Variants in OR2L13 observed in about 807,000 individuals in gnomAD.
OR2L13 encodes the protein olfactory receptor 2L13.
OR2L13 carries 14 observed loss-of-function variants against 15.3 expected under a neutral mutation model. The observed-to-expected ratio is 0.91, with a 90% CI of 0.60 to 1.43. The LOEUF (loss-of-function observed/expected upper bound fraction) is 1.43. OR2L13 is among the 40% of genes most tolerant of loss of function. OR2L13 has a pLI of 0.00. For missense variants in OR2L13, 367 were observed against 387.9 expected, an observed-to-expected ratio of 0.95 and a Z score of 0.45; for synonymous variants, 152 against 142.9, an observed-to-expected ratio of 1.06 and a Z score of -0.45.
At chr1:248,061,880 T>G in the OR2L13 span, 569 of 302,368 alleles carry the variant, frequency 1.9e-3, 2 homozygotes, top group African/African-American at 0.012. Flanking sequence ...AGAATTTTTG[T>G]TTTTGGTCAT....
chr1:248,084,432 G>C, the OR2L13 span: 10,340 of 1,552,658 alleles, frequency 6.7e-3, 110 homozygotes, highest in African/African-American at 0.043. Context: ...GTACATGGGC[G>C]TGTGGAGCCG....
upstream of OR2L13, among the ~76,000 whole-genome samples, chr1:248,094,194 C>G (rs954249015): frequency 6.6e-6 from 1 of 151,674 alleles, no homozygotes; most frequent in Admixed American, 6.6e-5. Context: ...ATATATGCAA[C>G]CATTAGATAA....
chr1:248,076,835 T>G, the OR2L13 span, among the ~76,000 whole-genome samples: 1 of 152,204 alleles, frequency 6.6e-6, no homozygotes, highest in South Asian at 2.1e-4. Flanking sequence ...ACCCTTTATT[T>G]CTTTCTCTTG....
At chr1:248,009,803 C>T in the OR2L13 span, among the ~76,000 whole-genome samples, 1 of 152,070 alleles carries the variant, frequency 6.6e-6, no homozygotes, top group Non-Finnish European at 1.5e-5. Context: ...CAGCATATCA[C>T]AAAACTTATC....
chr1:247,948,044 A>G, the OR2L13 span, among the ~76,000 whole-genome samples: 3 of 152,176 alleles, frequency 2.0e-5, no homozygotes, highest in Admixed American at 6.5e-5. Context: ...GTGACACTTC[A>G]TGTCTACAAA....
chr1:247,959,627 A>G, the OR2L13 span, among the ~76,000 whole-genome samples: 6,281 of 152,028 alleles, frequency 0.041, 436 homozygotes, highest in African/African-American at 0.14. Context: ...TATTTCTTGG[A>G]GGCTTTGTTC....
At chr1:248,024,254 A>G in the OR2L13 span, 1 of 152,262 alleles carries the variant, frequency 6.6e-6, no homozygotes, top group South Asian at 2.1e-4. Flanking sequence ...ATCCCAATGT[A>G]GAAAATTTTA....
At chr1:248,021,789 A>G in the OR2L13 span, 3 of 535,178 alleles carry the variant, frequency 5.6e-6, no homozygotes, top group East Asian at 3.0e-5. Context: ...TATAATACAT[A>G]TTGATGGATA....
the OR2L13 span, among the ~76,000 whole-genome samples, chr1:248,004,573 C>T: frequency 1.3e-5 from 2 of 152,168 alleles, no homozygotes; most frequent in Admixed American, 1.3e-4. Context: ...CACAATTTAG[C>T]AGAGAGCTCG....
chr1:247,973,656 G>C, the OR2L13 span, among the ~76,000 whole-genome samples: 2 of 151,990 alleles, frequency 1.3e-5, no homozygotes, highest in African/African-American at 4.8e-5. Flanking sequence ...ATATTTATGT[G>C]GCCAACAAAC....
At chr1:247,959,967 G>C in the OR2L13 span, among the ~76,000 whole-genome samples, 3 of 152,146 alleles carry the variant, frequency 2.0e-5, no homozygotes, top group Non-Finnish European at 4.4e-5. Flanking sequence ...GTCCAGCTTT[G>C]TTCCATTGCT....
At chr1:248,074,514 A>T in the OR2L13 span, among the ~76,000 whole-genome samples, 2 of 152,190 alleles carry the variant, frequency 1.3e-5, no homozygotes, top group African/African-American at 4.8e-5. Context: ...AATACAAAAT[A>T]AACATACAAA....
At chr1:248,070,066 TG>T in the OR2L13 span, among the ~76,000 whole-genome samples, 3 of 151,564 alleles carry the variant, frequency 2.0e-5, no homozygotes, top group Non-Finnish European at 2.9e-5. Context: ...GACAGATCAA[TG>T]AGACAGAAAG....
chr1:248,028,771 G>T, the OR2L13 span, among the ~76,000 whole-genome samples: 3 of 152,112 alleles, frequency 2.0e-5, no homozygotes, highest in African/African-American at 7.2e-5. Flanking sequence ...ATGTGACCCT[G>T]GTGGGTAGTT....
the OR2L13 span, among the ~76,000 whole-genome samples, chr1:248,080,330 C>A: frequency 1.3e-5 from 2 of 151,900 alleles, no homozygotes; most frequent in African/African-American, 4.8e-5. Context: ...AGAACATGAG[C>A]GGGTTTGTTG....
the OR2L13 span, among the ~76,000 whole-genome samples, chr1:248,086,093 G>A: frequency 8.9e-3 from 1,352 of 152,234 alleles, 11 homozygotes; most frequent in Non-Finnish European, 0.013. Flanking sequence ...AGTGCATATT[G>A]ACACAAAATT....
At chr1:248,001,534 A>T in the OR2L13 span, among the ~76,000 whole-genome samples, 1 of 151,544 alleles carries the variant, frequency 6.6e-6, no homozygotes, top group Admixed American at 6.6e-5. Flanking sequence ...CTGTAAATAA[A>T]AAAATAAAAT....
chr1:248,073,046 A>G, the OR2L13 span, among the ~76,000 whole-genome samples: 16 of 151,750 alleles, frequency 1.1e-4, 1 homozygote, highest in South Asian at 1.9e-3. Flanking sequence ...AACTAGTTCA[A>G]CCATTGTGGA....
chr1:248,072,648 G>A, the OR2L13 span, among the ~76,000 whole-genome samples: 3 of 152,140 alleles, frequency 2.0e-5, no homozygotes, highest in East Asian at 1.9e-4. Context: ...AAACTAAAGA[G>A]CTTCTGCACA....
Sources: allele counts gnomAD v4.1 joint callset (sites outside exome capture counted in the v4.1 genomes callset), GRCh38; gene constraint gnomAD v4.1.1; transcripts MANE v1.5; gene names NCBI Gene and HGNC (gene_info 2026-07-23, HGNC 2026-07-21).